The following TXNRD2 variants were observed in gnomAD, a reference collection of about 807,000 sequenced individuals.
TXNRD2 encodes thioredoxin reductase 2, also known as thioredoxin reductase 2, mitochondrial.
A neutral mutation model predicts 70.8 loss-of-function variants in TXNRD2; 67 were observed. The observed-to-expected ratio is 0.95, with a 90% CI of 0.78 to 1.16. TXNRD2 has a LOEUF of 1.16. TXNRD2 is among the 50% of genes most tolerant of loss of function. The probability of loss-of-function intolerance (pLI) is 0.00; values close to 1 mark genes in which losing one functional copy is unlikely to be tolerated. For synonymous variants in TXNRD2, 301 were observed against 295.8 expected, an observed-to-expected ratio of 1.02 and a Z score of -0.18; for missense variants, 644 against 719.9, an observed-to-expected ratio of 0.89 and a Z score of 1.21.
intron 11 of TXNRD2, chr22:19,894,014 TAA>T (rs1939380771): frequency 6.6e-6 from 1 of 152,234 alleles, no homozygotes; most frequent in Non-Finnish European, 1.5e-5. Context: ...GGAAGCAACC[TAA>T]GTGTCCACTG....
chr22:19,915,617 C>G, intron 6 of TXNRD2, 148 bp downstream of exon 6: 1 of 758,474 alleles, frequency 1.3e-6, no homozygotes, highest in Non-Finnish European at 2.3e-6. Flanking sequence ...ACGTTAAAGA[C>G]AAGTGCCCAG....
In TXNRD2 at chr22:19,878,134, G is replaced by C; in HGVS notation, c.1401C>G (p.Gly467=). Residue 467 remains glycine (G), a synonymous_variant, in exon 16 of 18, where the codon GGC becomes GGG. Coordinates refer to ENST00000400521, the MANE Select transcript of TXNRD2 (RefSeq NM_006440.5). ...CTTGAGTAACTTCGCCTGCGTTGGG[G>C]CCAAGGAAATGCAGGCCCAGCACCA... ...PQLVLGLHFL[G]PNAGEVTQGF... The C allele has an allele frequency of 6.2e-7, 1 of 1,613,442 alleles. No homozygotes were observed. Among genetic ancestry groups the C allele is most frequent in the Non-Finnish European group, 8.5e-7 (1 of 1,180,018 alleles).
chr22:19,922,458 G>A (rs1940953026), intron 2 of TXNRD2, among the ~76,000 whole-genome samples: 1 of 151,944 alleles, frequency 6.6e-6, no homozygotes. Flanking sequence ...GTATTCAAAT[G>A]GTTTGTTGAA....
chr22:19,929,006 A>C (rs1299775368), intron 2 of TXNRD2, among the ~76,000 whole-genome samples: 1 of 52,144 alleles, frequency 1.9e-5, no homozygotes, highest in African/African-American at 6.3e-5. Flanking sequence ...ACTCGCTTGC[A>C]AAAAAAAAAA....
rs9606176 is a variant in TXNRD2, at chr22:19,911,363, C to T, written c.662+14G>A. 0.11 allele frequency: 175,778 copies of T among 1,608,332 alleles called. 11,017 individuals are homozygous for T. The highest frequency in any genetic ancestry group is 0.24 in the East Asian group (10,635 of 44,784). On this transcript the variant is annotated intron_variant, in intron 8 of 17. Coordinates refer to ENST00000400521, the MANE Select transcript of TXNRD2 (RefSeq NM_006440.5). Reference sequence around the variant, plus strand: ...AACAAAAAGAGGACCCCACCAAGCACGCGCAGGCCTTACGTTTTTCCAGGG... The same window carrying T: ...AACAAAAAGAGGACCCCACCAAGCATGCGCAGGCCTTACGTTTTTCCAGGG...
At chr22:19,937,227 G>A (rs756052944) in intron 1 of TXNRD2, among the ~76,000 whole-genome samples, 9 of 152,098 alleles carry the variant, frequency 5.9e-5, no homozygotes, top group African/African-American at 1.2e-4. Flanking sequence ...CACAGGCTCC[G>A]ATAATTACTC....
At chr22:19,898,326 C>T (rs902830342) in intron 9 of TXNRD2, among the ~76,000 whole-genome samples, 196 bp from the exon 10 acceptor site, 2 of 152,338 alleles carry the variant, frequency 1.3e-5, no homozygotes, top group Non-Finnish European at 1.5e-5. Context: ...GCAGCACCCA[C>T]GGACTAGGCC....
Position 19,878,433 on chromosome 22 carries a change from T to G in TXNRD2, c.1280A>C (p.Tyr427Ser). 6.2e-7 allele frequency: 1 copy of G among 1,613,554 alleles called. No homozygotes were observed. The highest frequency in any genetic ancestry group is 8.5e-7 in the Non-Finnish European group (1 of 1,180,004). Residue 427 changes from tyrosine (Y) to serine (S), a missense_variant, in exon 15 of 18, where the codon TAT becomes TCT. Tyr to Ser is a moderately radical substitution (Grantham distance 144). Around this residue, in one of 3 missense-constraint regions of TXNRD2, gnomAD observed 566 missense variants for 645.0 expected, o/e 0.88. Transcript: ENST00000400521. ...ARHGQEHVEV[Y>S]HAHYKPLEFT... ...CTCCAGTGGTTTATAATGGGCGTGA[T>G]AGACCTGAGGACAGGATACCAACCC...
At chr22:19,932,613 G>A in intron 1 of TXNRD2, 1 of 1,416,288 alleles carries the variant, frequency 7.1e-7, no homozygotes. Context: ...ATAATAGCAA[G>A]TCATCAGTCT....
chr22:19,927,884 C>T (rs1057332725), intron 2 of TXNRD2, among the ~76,000 whole-genome samples: 7 of 151,898 alleles, frequency 4.6e-5, no homozygotes, highest in Admixed American at 3.3e-4. Context: ...CAAATGCATA[C>T]GTAATGTGAG....
intron 1 of TXNRD2, chr22:19,932,328 C>T (rs781565728): frequency 6.2e-7 from 1 of 1,612,622 alleles, no homozygotes; most frequent in Non-Finnish European, 8.5e-7. Context: ...CCTGGAATTC[C>T]TTTTGGGCTG....
Position 19,926,986 on chromosome 22 carries a change from T to C in TXNRD2, c.172+4044A>G, listed in dbSNP as rs190032354. Among the ~76,000 whole-genome samples the C allele has an allele frequency of 2.3e-3, 294 of 125,894 alleles. 1 individual carries two copies. Among genetic ancestry groups the C allele is most frequent in the African/African-American group, 7.5e-3 (281 of 37,326 alleles). The allele number at this position is 125,894 out of a possible 152,430, so 82.6% of individuals were successfully genotyped here. The stretch of plus-strand genomic sequence containing the variant: ...CTGCACAGGTCCACTCATACATGGA[T>C]TTTTTTTCAATAAATATAATCCCTT... On this transcript the variant is annotated intron_variant, in intron 2 of 17. Coordinates refer to ENST00000400521, the MANE Select transcript of TXNRD2 (RefSeq NM_006440.5).
intron 11 of TXNRD2, among the ~76,000 whole-genome samples, chr22:19,889,958 T>A (rs1939194496): frequency 6.6e-6 from 1 of 152,170 alleles, no homozygotes; most frequent in African/African-American, 2.4e-5. Flanking sequence ...AAGTACTGAA[T>A]TTGTCATGGT....
intron 2 of TXNRD2, among the ~76,000 whole-genome samples, chr22:19,927,864 T>C (rs1181393494): frequency 1.3e-5 from 2 of 152,054 alleles, no homozygotes; most frequent in Non-Finnish European, 2.9e-5. Flanking sequence ...CGTCCTCGGG[T>C]ACCAAGGGAC....
At chr22:19,894,736 T>C (rs1161777664) in intron 11 of TXNRD2, 3 of 268,574 alleles carry the variant, frequency 1.1e-5, no homozygotes, top group Non-Finnish European at 2.2e-5. Flanking sequence ...ACACCTGTAA[T>C]CTCAGTACTT....
At chr22:19,929,169 T>TA (rs1941266035) in intron 2 of TXNRD2, among the ~76,000 whole-genome samples, 1 of 147,392 alleles carries the variant, frequency 6.8e-6, no homozygotes, top group Non-Finnish European at 1.5e-5. Context: ...CTACTAAAAA[T>TA]AAAAAAAATT....
intron 12 of TXNRD2, 139 bp downstream of exon 12, chr22:19,883,186 C>A (rs1938860044): frequency 4.5e-6 from 5 of 1,114,182 alleles, no homozygotes; most frequent in Non-Finnish European, 6.3e-6. Flanking sequence ...ACAGGCTGGC[C>A]CTGGGGTTTG....
At chr22:19,879,764 G>A (rs1938675522) in intron 14 of TXNRD2, among the ~76,000 whole-genome samples, 1 of 152,106 alleles carries the variant, frequency 6.6e-6, no homozygotes, top group South Asian at 2.1e-4. Flanking sequence ...GCTGTGTGCT[G>A]GAGTGGGGCC....
intron 8 of TXNRD2, among the ~76,000 whole-genome samples, chr22:19,909,696 TCACACACAC>T (rs796643365): frequency 1.4e-4 from 9 of 65,932 alleles, no homozygotes; most frequent in East Asian, 4.6e-4. Context: ...CACACACTGC[TCACACACAC>T]CACACACACC....
Sources: allele counts gnomAD v4.1 joint callset (sites outside exome capture counted in the v4.1 genomes callset), GRCh38; gene constraint gnomAD v4.1.1; regional missense constraint gnomAD v4.1.1; transcripts MANE v1.5; gene names NCBI Gene and HGNC (gene_info 2026-07-23, HGNC 2026-07-21).